NMT2: variants seen among roughly 807,000 people sequenced by gnomAD.
NMT2 encodes the protein glycylpeptide N-tetradecanoyltransferase 2.
A neutral mutation model predicts 65.4 loss-of-function variants in NMT2; 35 were observed. That is an observed-to-expected ratio of 0.54 (90% CI 0.41 to 0.71). The LOEUF (loss-of-function observed/expected upper bound fraction) is 0.71. Among genes scored for constraint, NMT2 ranks in the 30% least tolerant of loss-of-function variants. The probability of loss-of-function intolerance (pLI) is 0.00; values close to 1 mark genes in which losing one functional copy is unlikely to be tolerated. For synonymous variants in NMT2, 226 were observed against 231.8 expected (o/e 0.98, Z 0.23); for missense variants, 489 against 611.3 (o/e 0.80, Z 2.11).
intron 1 of NMT2, among the ~76,000 whole-genome samples, chr10:15,159,620 G>A (rs1833119040): frequency 6.6e-6 from 1 of 152,146 alleles, no homozygotes; most frequent in South Asian, 2.1e-4. Flanking sequence ...TAGAGATGGG[G>A]TTTCACCATG....
chr10:15,152,446 A>C (rs1415798475), intron 1 of NMT2, among the ~76,000 whole-genome samples: 4 of 152,236 alleles, frequency 2.6e-5, no homozygotes, highest in Non-Finnish European at 5.9e-5. Context: ...TGGGACAAGC[A>C]GGACTGGGGT....
intron 2 of NMT2, chr10:15,141,194 A>G: frequency 2.5e-6 from 2 of 802,730 alleles, no homozygotes; most frequent in Non-Finnish European, 3.9e-6. Flanking sequence ...AGAAAAGGGA[A>G]AAACACAGCA....
chr10:15,115,753 A>C (rs1845721951), intron 9 of NMT2, among the ~76,000 whole-genome samples: 3 of 152,240 alleles, frequency 2.0e-5, no homozygotes, highest in Admixed American at 2.0e-4. Context: ...AAGGATGGAA[A>C]AAGTCCAAAC....
chr10:15,135,383 G>T lies in NMT2; in HGVS notation c.282C>A (p.Ile94=). 1 of 1,614,184 alleles carries T rather than the reference G, an allele frequency of 6.2e-7. No homozygotes were observed. Among genetic ancestry groups the T allele is most frequent in the African/African-American group, 1.3e-5 (1 of 75,048 alleles). The stretch of plus-strand genomic sequence containing the variant: ...CGGATAGCAGCTCCATTGCTCTCTG[G>T]ATATCCTGCAACTTCTGCATTGGAA... ...PSVPMQKLQD[I]QRAMELLSAC... Residue 94 remains isoleucine, a synonymous_variant, in exon 3 of 12, where the codon ATC becomes ATA. Transcript: ENST00000378165.
At chr10:15,148,360 T>C (rs186189779) in intron 1 of NMT2, among the ~76,000 whole-genome samples, 108 of 152,152 alleles carry the variant, frequency 7.1e-4, no homozygotes, top group Admixed American at 1.2e-3. Flanking sequence ...AAATAAAAAA[T>C]TAGCTGGGCA....
intron 1 of NMT2, among the ~76,000 whole-genome samples, chr10:15,151,397 A>C (rs992071561): frequency 2.0e-5 from 3 of 152,134 alleles, no homozygotes; most frequent in Non-Finnish European, 4.4e-5. Flanking sequence ...TTTGGTGTCT[A>C]CATCACACAA....
intron 8 of NMT2, among the ~76,000 whole-genome samples, chr10:15,121,961 T>G (rs1338762594): frequency 6.6e-6 from 1 of 152,204 alleles, no homozygotes; most frequent in Non-Finnish European, 1.5e-5. Flanking sequence ...ACCTTTAGTC[T>G]TTTAGTACCT....
chr10:15,155,264 G>C (rs762096114), intron 1 of NMT2: 3 of 1,457,256 alleles, frequency 2.1e-6, no homozygotes, highest in South Asian at 2.3e-5. Flanking sequence ...CGAAGGAGAC[G>C]TGCCCCAAGG....
At chr10:15,168,232 G>A (rs1055514913) in intron 1 of NMT2, 32 of 331,886 alleles carry the variant, frequency 9.6e-5, no homozygotes, top group Non-Finnish European at 1.3e-4. Context: ...GGATGGGCGA[G>A]GCTGGCCGGG....
chr10:15,141,058 A>C, intron 2 of NMT2: 1 of 1,541,728 alleles, frequency 6.5e-7, no homozygotes, highest in Non-Finnish European at 8.8e-7. Flanking sequence ...AGACACCCAG[A>C]AAAATTACAA....
At chr10:15,127,464 G>C (rs1322202326) in intron 8 of NMT2, among the ~76,000 whole-genome samples, 1 of 135,140 alleles carries the variant, frequency 7.4e-6, no homozygotes, top group East Asian at 2.4e-4. Flanking sequence ...GGAGAATGGC[G>C]TGAACCCAGG....
chr10:15,110,141 C>T (rs55730119), intron 10 of NMT2, among the ~76,000 whole-genome samples: 6 of 152,154 alleles, frequency 3.9e-5, no homozygotes, highest in South Asian at 4.2e-4. Flanking sequence ...GATGTGGTGG[C>T]GCACACCTGC....
At chr10:15,162,853 T>C (rs1035183431) in intron 1 of NMT2, among the ~76,000 whole-genome samples, 4 of 148,346 alleles carry the variant, frequency 2.7e-5, no homozygotes, top group African/African-American at 9.8e-5. Flanking sequence ...ATATTTGATA[T>C]TTATATATCT....
chr10:15,141,012 CT>C, intron 2 of NMT2: 1 of 1,550,972 alleles, frequency 6.4e-7, no homozygotes, highest in South Asian at 1.2e-5. Flanking sequence ...CTGAAATCTG[CT>C]GCCAGATGGT....
At chr10:15,117,994 T>C (rs776637195) in intron 9 of NMT2, among the ~76,000 whole-genome samples, 1 of 152,176 alleles carries the variant, frequency 6.6e-6, no homozygotes, top group African/African-American at 2.4e-5. Context: ...GCAAGGTATT[T>C]TGTAGGCAAA....
Position 15,108,120 on chromosome 10 carries a change from T to A in NMT2, c.*1075A>T. ...TCCTTTTCTTCATATATCCTTGATGTTGCTGAGAAGAAACTGAACTTTGCA... is the reference window on the plus strand; with the variant it reads ...TCCTTTTCTTCATATATCCTTGATGATGCTGAGAAGAAACTGAACTTTGCA... On this transcript the variant is annotated 3_prime_UTR_variant, in exon 12 of 12. Coordinates refer to ENST00000378165, the MANE Select transcript of NMT2 (RefSeq NM_004808.3). 3.0e-6 allele frequency: 3 copies of A among 985,448 alleles called. No homozygotes were observed. The highest frequency in any genetic ancestry group is 3.6e-6 in the Non-Finnish European group (3 of 829,916). 61.0% of individuals were successfully genotyped at this position (985,448 alleles called of 1,614,324 possible). A position where few individuals can be genotyped will look rare whatever the true frequency, so the allele number is the denominator to read the frequency against.
At chr10:15,128,912 G>C (rs985930708) in intron 7 of NMT2, among the ~76,000 whole-genome samples, 2 of 152,158 alleles carry the variant, frequency 1.3e-5, no homozygotes, top group African/African-American at 4.8e-5. Flanking sequence ...GGCTGAGGCA[G>C]GAGAATCACT....
chr10:15,168,417 G>A (rs1211040020), intron 1 of NMT2, 86 bp downstream of exon 1: 4 of 1,003,074 alleles, frequency 4.0e-6, no homozygotes, highest in Non-Finnish European at 4.5e-6. Flanking sequence ...AGAACCCCCA[G>A]TCCTGGGAGC....
In NMT2 at chr10:15,139,250, CTCTATCTATCTA is replaced by C. The variant is rs148766759; in HGVS notation, c.246+2160_246+2171del. Among the ~76,000 whole-genome samples the C allele has an allele frequency of 3.9e-3, 577 of 146,894 alleles. 7 individuals are homozygous for C. The highest frequency in any genetic ancestry group is 0.011 in the African/African-American group (453 of 39,794). ...GTGAATTAATACTTAATAAACTCCCCTCTATCTATCTATCTATCTATCTATCTATCTATCTAT... is the reference window on the plus strand; with the variant it reads ...GTGAATTAATACTTAATAAACTCCCCTCTATCTATCTATCTATCTATCTAT... On this transcript the variant is annotated intron_variant, in intron 2 of 11. Transcript: ENST00000378165.
Sources: gnomAD v4.1 joint callset for allele counts (sites outside exome capture counted in the v4.1 genomes callset) on GRCh38, gnomAD v4.1.1 for gene constraint, MANE v1.5 for transcripts, NCBI Gene and HGNC (gene_info 2026-07-23, HGNC 2026-07-21) for gene names.